The following LCP2 variants were observed in gnomAD, a reference collection of about 807,000 sequenced individuals.
LCP2 encodes lymphocyte cytosolic protein 2.
In LCP2, 29 loss-of-function variants were observed where a neutral mutation model predicts 74.5. The ratio of observed to expected loss-of-function variants is 0.39; its 90% CI spans 0.29 to 0.53. The LOEUF is 0.53. LCP2 is among the 20% of genes least tolerant of loss of function. The pLI, the probability that LCP2 is intolerant of heterozygous loss-of-function variation, is 0.72. For missense variants in LCP2, 604 were observed against 634.6 expected (o/e 0.95, Z 0.52); for synonymous variants, 228 against 229.5 (o/e 0.99, Z 0.06).
In LCP2 at chr5:170,267,081, T is replaced by A. The variant is rs762264229; in HGVS notation, c.622-6A>T. 2.7e-5 allele frequency: 43 copies of A among 1,613,520 alleles called. No individual in the cohort carries two copies. Among genetic ancestry groups the A allele is most frequent in the Non-Finnish European group, 3.6e-5 (43 of 1,179,868 alleles). ...GTCTGGGGTGGGGGCAGTGGCTGCA[T>A]AAAGATCCAAACGTTAGGAAGCACT... On this transcript the variant is annotated splice_region_variant and splice_polypyrimidine_tract_variant and intron_variant, in intron 8 of 20. Transcript: ENST00000046794.
At chr5:170,283,532 A>G (rs564049265) in intron 3 of LCP2, among the ~76,000 whole-genome samples, 15 of 152,226 alleles carry the variant, frequency 9.9e-5, no homozygotes, top group African/African-American at 3.4e-4. Context: ...GTCACCACCA[A>G]CTAACTCAGT....
chr5:170,248,727 G>A lies in LCP2; in HGVS notation c.1572C>T (p.Cys524=). 6.2e-7 allele frequency: 1 copy of A among 1,611,758 alleles called. No homozygotes were observed. Among genetic ancestry groups the A allele is most frequent in the Non-Finnish European group, 8.5e-7 (1 of 1,179,112 alleles). Residue 524 remains cysteine (C), a synonymous_variant, in exon 21 of 21, where the codon TGC becomes TGT. Transcript: ENST00000046794. ...DGKNRGSRYQ[C]TLTHAAGYP ...GGTACCCTGCAGCATGCGTTAATGT[G>A]CACTGGTATCTGGAACCTCGGTTTT...
chr5:170,258,183 A>G lies in LCP2; in HGVS notation c.971-17T>C, dbSNP rs76219007. 36,359 of 1,612,960 alleles carry G rather than the reference A, an allele frequency of 0.023. 527 individuals carry two copies. Among genetic ancestry groups the G allele is most frequent in the Middle Eastern group, 0.053 (319 of 6,056 alleles). ...TCTGATGCACTGTGCAGAAGTAGAA[A>G]ACAATGAATGAGATTGGCAGGCCCC... is the stretch of plus-strand genomic sequence containing the variant. On this transcript the variant is annotated splice_polypyrimidine_tract_variant and intron_variant, in intron 15 of 20. Transcript: ENST00000046794.
intron 3 of LCP2, among the ~76,000 whole-genome samples, chr5:170,280,961 G>A (rs541198493): frequency 9.3e-4 from 142 of 152,202 alleles, no homozygotes; most frequent in Middle Eastern, 3.4e-3. Context: ...CCAAGATTGC[G>A]CCACTGCACT....
At chr5:170,278,711 G>A (rs1026159025) in intron 3 of LCP2, among the ~76,000 whole-genome samples, 3 of 152,094 alleles carry the variant, frequency 2.0e-5, no homozygotes, top group African/African-American at 4.8e-5. Context: ...TGCTCTCTGC[G>A]GTGTTGCCTC....
intron 8 of LCP2, chr5:170,267,347 G>A (rs1162704025): frequency 1.9e-6 from 1 of 540,492 alleles, no homozygotes; most frequent in Non-Finnish European, 3.3e-6. Context: ...ATTGAAACTC[G>A]TTAATGTCCT....
intron 19 of LCP2, 142 bp from the exon 20 acceptor site, chr5:170,251,027 C>G (rs1035442252): frequency 2.8e-5 from 17 of 616,960 alleles, no homozygotes; most frequent in Non-Finnish European, 4.6e-5. Context: ...ACCTGTCATT[C>G]AACGAACATT....
chr5:170,267,397 A>C, intron 8 of LCP2: 1 of 420,274 alleles, frequency 2.4e-6, no homozygotes, highest in East Asian at 4.6e-5. Context: ...TGCCCTCTCA[A>C]CTCTTTCCTG....
intron 8 of LCP2, chr5:170,267,467 A>G (rs1761787307): frequency 8.1e-6 from 2 of 246,534 alleles, no homozygotes; most frequent in East Asian, 9.0e-5. Context: ...GTTCCTGGAA[A>G]ATCTCAAGGT....
At chr5:170,250,968 G>T in intron 19 of LCP2, 83 bp from the exon 20 acceptor site, 1 of 1,096,694 alleles carries the variant, frequency 9.1e-7, no homozygotes, top group Non-Finnish European at 1.3e-6. Context: ...CAAGCCTCTA[G>T]GGATCTGACA....
chr5:170,278,772 G>A (rs1018782063), intron 3 of LCP2, among the ~76,000 whole-genome samples: 4 of 152,140 alleles, frequency 2.6e-5, no homozygotes, highest in Non-Finnish European at 4.4e-5. Flanking sequence ...CTCGAATTGG[G>A]TGAGGAAGGA....
chr5:170,278,343 AG>A (rs1161937861), intron 3 of LCP2, among the ~76,000 whole-genome samples: 763 of 43,190 alleles, frequency 0.018, 54 homozygotes, highest in African/African-American at 0.037. Flanking sequence ...ATGGGAGTGC[AG>A]GGGGGGGCTG....
Position 170,291,425 on chromosome 5 carries a change from C to T in LCP2, c.141+1885G>A, listed in dbSNP as rs80284635. On this transcript the variant is annotated intron_variant, in intron 2 of 20. Transcript: ENST00000046794. ...AAGCTGCCTTTACATCCCCCAGTTG[C>T]AGGGACAGGCACTGGATTCTTCTTC... Among the ~76,000 whole-genome samples the T allele has an allele frequency of 1.0e-3, 157 of 152,324 alleles. 2 individuals are homozygous for T. In the East Asian group the frequency reaches 0.016, roughly 15 times the overall value.
chr5:170,282,927 A>G (rs1388046561), intron 3 of LCP2, among the ~76,000 whole-genome samples: 1 of 152,180 alleles, frequency 6.6e-6, no homozygotes, highest in Non-Finnish European at 1.5e-5. Context: ...GAGCTTGTAG[A>G]GTCTCTCTAA....
intron 17 of LCP2, among the ~76,000 whole-genome samples, chr5:170,254,705 A>G (rs1289198025): frequency 6.6e-6 from 1 of 152,226 alleles, no homozygotes; most frequent in Non-Finnish European, 1.5e-5. Context: ...GCCATTCTAC[A>G]GTTAAGAAAT....
At chr5:170,270,375 A>G (rs1030830271) in intron 7 of LCP2, 3 of 227,402 alleles carry the variant, frequency 1.3e-5, no homozygotes, top group Middle Eastern at 1.4e-3. Context: ...CTCTTGGAGT[A>G]CCTGAGTAAA....
chr5:170,248,587 A>G lies in LCP2; in HGVS notation c.*110T>C. On this transcript the variant is annotated 3_prime_UTR_variant, in exon 21 of 21. Transcript: ENST00000046794. ...AGGAAAGGATAAAACCCTTGTGTTC[A>G]TGGGGAGGGGTTCAGTTCAGTCCTA... 1 of 1,135,676 alleles carries G rather than the reference A, an allele frequency of 8.8e-7. No homozygotes were observed. The highest frequency in any genetic ancestry group is 1.3e-5 in the South Asian group (1 of 74,206). 70.3% of individuals were successfully genotyped at this position (1,135,676 alleles called of 1,614,324 possible).
intron 3 of LCP2, among the ~76,000 whole-genome samples, chr5:170,285,115 T>C (rs2113205452): frequency 6.6e-6 from 1 of 152,340 alleles, no homozygotes. Flanking sequence ...TTTGGACAAT[T>C]TCTATTACTG....
At chr5:170,279,574 A>G (rs1762066359) in intron 3 of LCP2, among the ~76,000 whole-genome samples, 1 of 152,240 alleles carries the variant, frequency 6.6e-6, no homozygotes, top group Admixed American at 6.5e-5. Context: ...GGCCCAGCCT[A>G]GACCTACCTG....
Sources: allele counts gnomAD v4.1 joint callset (sites outside exome capture counted in the v4.1 genomes callset), GRCh38; gene constraint gnomAD v4.1.1; transcripts MANE v1.5; gene names NCBI Gene and HGNC (gene_info 2026-07-23, HGNC 2026-07-21).